The following TUSC3 variants were observed in gnomAD, a reference collection of about 807,000 sequenced individuals.
The protein encoded by TUSC3 is dolichyl-diphosphooligosaccharide--protein glycosyltransferase subunit TUSC3.
TUSC3 carries 45 observed loss-of-function variants against 44.8 expected under a neutral mutation model. The observed-to-expected ratio is 1.00, with a 90% confidence interval of 0.79 to 1.29. The LOEUF (loss-of-function observed/expected upper bound fraction) is 1.29, where lower values mean the gene tolerates loss of function less well. Ranked by LOEUF, TUSC3 falls within the 50% of genes most tolerant of loss-of-function variation. The pLI is 0.00. For synonymous variants in TUSC3, 212 were observed against 152.9 expected (o/e 1.39, Z -2.85); for missense variants, 519 against 437.9 (o/e 1.19, Z -1.65).
chr8:15,459,832 TTGTG>T (rs35529446), intron 1 of TUSC3, among the ~76,000 whole-genome samples: 79 of 148,618 alleles, frequency 5.3e-4, no homozygotes, highest in Middle Eastern at 3.4e-3. Flanking sequence ...AGTATTCCAT[TTGTG>T]TGTGTGTGTG....
the TUSC3 span, among the ~76,000 whole-genome samples, chr8:15,786,294 T>C: frequency 8.5e-5 from 13 of 152,202 alleles, no homozygotes; most frequent in African/African-American, 2.7e-4. Flanking sequence ...AGTAGTAAGT[T>C]ATTAAATATT....
intron 4 of TUSC3, among the ~76,000 whole-genome samples, chr8:15,660,527 A>G (rs1445592487): frequency 6.6e-6 from 1 of 151,966 alleles, no homozygotes; most frequent in African/African-American, 2.4e-5. Context: ...TTTTGACAGT[A>G]AACAATTGGA....
At chr8:15,472,075 C>A (rs1382967864) in intron 1 of TUSC3, among the ~76,000 whole-genome samples, 1 of 152,174 alleles carries the variant, frequency 6.6e-6, no homozygotes, top group African/African-American at 2.4e-5. Flanking sequence ...ATATATGTGA[C>A]ATAAATAATC....
At position 15,730,766 on chromosome 8, in the gene TUSC3, A is replaced by G. The variant is rs368655246; in HGVS notation, c.862+37A>G. On this transcript the variant is annotated intron_variant, in intron 7 of 10. Transcript: ENST00000503731. ...AGATACCGACGAATTGAAAAGGGCA[A>G]ACTAAAGCTACATGTTTTTAAATTG... 33 of 1,586,458 alleles carry G rather than the reference A, an allele frequency of 2.1e-5. No homozygotes were observed. The African/African-American group carries it at 3.2e-4, about 16-fold the overall frequency.
chr8:15,423,969 G>GTTTTTGTTTTTTT (rs1563247134), intron 1 of TUSC3, among the ~76,000 whole-genome samples: 2 of 70,362 alleles, frequency 2.8e-5, no homozygotes, highest in African/African-American at 4.1e-5. Flanking sequence ...GTTTTGCTTT[G>GTTTTTGTTTTTTT]TTTTTTTTTT....
chr8:15,535,887 T>C (rs1234125178), upstream of TUSC3, among the ~76,000 whole-genome samples: 2 of 152,194 alleles, frequency 1.3e-5, no homozygotes, highest in East Asian at 1.9e-4. Context: ...ACATCTATCA[T>C]GGTCAAACTT....
intron 2 of TUSC3, among the ~76,000 whole-genome samples, chr8:15,624,020 A>G (rs35748782): frequency 0.2 from 30,638 of 151,946 alleles, 3,962 homozygotes; most frequent in Non-Finnish European, 0.29. Flanking sequence ...TCTGTTCTCC[A>G]TTTCTATAAT....
At chr8:15,417,430 G>C (rs1250839860) in intron 1 of TUSC3, 1 of 152,264 alleles carries the variant, frequency 6.6e-6, no homozygotes, top group Non-Finnish European at 1.5e-5. Context: ...GTCACAGTGA[G>C]TAGCTCAGTC....
intron 1 of TUSC3, among the ~76,000 whole-genome samples, chr8:15,618,105 C>G (rs906115447): frequency 1.3e-5 from 2 of 152,144 alleles, no homozygotes; most frequent in Non-Finnish European, 2.9e-5. Context: ...AGGACACTCT[C>G]CATGAATGGA....
chr8:15,612,434 AT>A (rs1413694777), intron 1 of TUSC3, among the ~76,000 whole-genome samples: 8 of 152,268 alleles, frequency 5.3e-5, no homozygotes, highest in African/African-American at 1.9e-4. Flanking sequence ...TGTATTACGT[AT>A]TGTTTAATGC....
the TUSC3 span, among the ~76,000 whole-genome samples, chr8:15,779,666 TAA>T: frequency 1.1e-4 from 17 of 152,218 alleles, no homozygotes; most frequent in Non-Finnish European, 2.2e-4. Flanking sequence ...AGCATTTGAT[TAA>T]AAGAGTATCA....
the TUSC3 span, among the ~76,000 whole-genome samples, chr8:15,820,397 C>T: frequency 6.6e-6 from 1 of 151,008 alleles, no homozygotes; most frequent in Non-Finnish European, 1.5e-5. Flanking sequence ...CTGCAACCTC[C>T]ACTTACCAGG....
At chr8:15,599,816 C>G (rs1029127522) in intron 1 of TUSC3, among the ~76,000 whole-genome samples, 2 of 149,558 alleles carry the variant, frequency 1.3e-5, no homozygotes, top group Non-Finnish European at 3.0e-5. Context: ...ATTATTGTAA[C>G]TTTGTAGTGT....
the TUSC3 span, among the ~76,000 whole-genome samples, chr8:15,830,766 G>C: frequency 5.9e-5 from 9 of 152,256 alleles, no homozygotes; most frequent in Middle Eastern, 6.8e-3. Flanking sequence ...AAGGGAGGAA[G>C]GTGGAAGGGG....
intron 1 of TUSC3, among the ~76,000 whole-genome samples, chr8:15,474,294 A>G (rs964037416): frequency 3.3e-5 from 5 of 152,180 alleles, no homozygotes; most frequent in African/African-American, 9.7e-5. Context: ...TTTACAATCA[A>G]TTTGTACAGT....
At chr8:15,679,263 C>T (rs1204600130) in intron 6 of TUSC3, among the ~76,000 whole-genome samples, 1 of 151,992 alleles carries the variant, frequency 6.6e-6, no homozygotes, top group Non-Finnish European at 1.5e-5. Flanking sequence ...GCCTTGGAAG[C>T]ATCTTTTTTT....
chr8:15,755,262 G>A (rs1041432950), intron 9 of TUSC3, among the ~76,000 whole-genome samples: 5 of 152,014 alleles, frequency 3.3e-5, no homozygotes, highest in South Asian at 2.1e-4. Flanking sequence ...GTCATATGTC[G>A]TTCAACTATT....
At chr8:15,712,588 G>A (rs1055128856) in intron 6 of TUSC3, among the ~76,000 whole-genome samples, 1 of 152,000 alleles carries the variant, frequency 6.6e-6, no homozygotes, top group Non-Finnish European at 1.5e-5. Context: ...AGGACACTAA[G>A]ATTTCCTTCT....
intron 6 of TUSC3, among the ~76,000 whole-genome samples, chr8:15,710,688 T>A (rs1281058351): frequency 6.6e-6 from 1 of 151,612 alleles, no homozygotes; most frequent in Non-Finnish European, 1.5e-5. Context: ...GTAGCAAGAT[T>A]CCCAGGTTAT....
Sources: gnomAD v4.1 joint callset for allele counts (sites outside exome capture counted in the v4.1 genomes callset) on GRCh38, gnomAD v4.1.1 for gene constraint, MANE v1.5 for transcripts, NCBI Gene and HGNC (gene_info 2026-07-23, HGNC 2026-07-21) for gene names.